MAP3K7CL: variants seen among roughly 807,000 people sequenced by gnomAD.
The protein encoded by MAP3K7CL is MAP3K7 C-terminal-like protein.
In MAP3K7CL, 16 loss-of-function variants were observed where a neutral mutation model predicts 18.6. That is an observed-to-expected ratio of 0.86 (90% confidence interval 0.58 to 1.31). The LOEUF is 1.31. MAP3K7CL is among the 50% of genes most tolerant of loss of function. The pLI is 0.00. For missense variants in MAP3K7CL, 163 were observed against 174.4 expected, an observed-to-expected ratio of 0.93 and a Z score of 0.37; for synonymous variants, 65 against 66.8, an observed-to-expected ratio of 0.97 and a Z score of 0.13.
intron 3 of MAP3K7CL, among the ~76,000 whole-genome samples, chr21:29,155,864 G>C (rs988369593): frequency 6.6e-6 from 1 of 152,182 alleles, no homozygotes; most frequent in Non-Finnish European, 1.5e-5. Context: ...TTGGCTTGAG[G>C]CGCTGTTAGG....
At chr21:29,150,036 T>C (rs1009525470) in intron 3 of MAP3K7CL, among the ~76,000 whole-genome samples, 2 of 152,214 alleles carry the variant, frequency 1.3e-5, no homozygotes, top group African/African-American at 4.8e-5. Context: ...TCACCACTTT[T>C]TTCTCCTAAA....
rs140644118 is a variant in MAP3K7CL at position 29,085,900 on chromosome 21, G to A, written c.40G>A (p.Glu14Lys). 179 of 1,614,102 alleles carry A rather than the reference G, an allele frequency of 1.1e-4. 1 individual carries two copies. The South Asian group carries it at 1.6e-3, about 15-fold the overall frequency. ...TGCACCTTTAGAAGTTATGTGGAAC[G>A]AGGCAGCAGATCTTAAGGTATGTCC... The change falls in exon 1 of 7, where the codon GAG (glutamate) becomes AAG (lysine). Residue 14 changes from glutamate to lysine, a missense_variant. Transcript: ENST00000286791.
In MAP3K7CL at chr21:29,095,607, C is replaced by A. The variant is rs1428102940; in HGVS notation, c.370+3026C>A. 2.0e-5 allele frequency among the ~76,000 whole-genome samples: 3 copies of A among 152,238 alleles called. 1 individual carries two copies. The highest frequency in any genetic ancestry group is 7.2e-5 in the African/African-American group (3 of 41,454). ...TTAAGTATTTTCCTTCACCTGTGGT[C>A]TCCCAACTTATGTGCTGTGAATACA... On this transcript the variant is annotated intron_variant, in intron 4 of 6. Transcript: ENST00000286791.
At chr21:29,154,994 T>C (rs1379273630) in intron 3 of MAP3K7CL, among the ~76,000 whole-genome samples, 4 of 152,242 alleles carry the variant, frequency 2.6e-5, no homozygotes, top group African/African-American at 9.6e-5. Context: ...TCAACAGAAA[T>C]GACTTAAATA....
chr21:29,143,902 A>G (rs1009161159), intron 2 of MAP3K7CL, among the ~76,000 whole-genome samples: 2 of 152,164 alleles, frequency 1.3e-5, no homozygotes, highest in Non-Finnish European at 2.9e-5. Flanking sequence ...CCCCTCTGAT[A>G]TAAAGAAAGA....
chr21:29,161,787 G>A (rs1490093631), intron 4 of MAP3K7CL, among the ~76,000 whole-genome samples: 1 of 152,084 alleles, frequency 6.6e-6, no homozygotes, highest in Admixed American at 6.5e-5. Flanking sequence ...CAATTTTTTT[G>A]AGACTCCCAG....
intron 4 of MAP3K7CL, among the ~76,000 whole-genome samples, chr21:29,112,826 T>C (rs2086442280): frequency 6.6e-6 from 1 of 152,082 alleles, no homozygotes; most frequent in Non-Finnish European, 1.5e-5. Context: ...AAATTTTTTT[T>C]TTTTCTTTTT....
intron 4 of MAP3K7CL, among the ~76,000 whole-genome samples, chr21:29,101,684 A>T (rs113642096): frequency 0.051 from 7,776 of 152,268 alleles, 461 homozygotes; most frequent in East Asian, 0.17. Context: ...CTGGGATTAC[A>T]GGCTTCAGGC....
chr21:29,096,752 G>C (rs1185486758), intron 4 of MAP3K7CL, among the ~76,000 whole-genome samples: 1 of 152,198 alleles, frequency 6.6e-6, no homozygotes, highest in East Asian at 1.9e-4. Flanking sequence ...TGGGAAGTCC[G>C]TTGGGTAGAG....
intron 4 of MAP3K7CL, among the ~76,000 whole-genome samples, chr21:29,096,737 T>A (rs906091124): frequency 9.2e-5 from 14 of 152,216 alleles, no homozygotes; most frequent in African/African-American, 3.4e-4. Flanking sequence ...GTTGGTTTAC[T>A]GAACTGGGAA....
At chr21:29,142,290 C>G (rs2087026966) in intron 2 of MAP3K7CL, among the ~76,000 whole-genome samples, 1 of 152,172 alleles carries the variant, frequency 6.6e-6, no homozygotes, top group South Asian at 2.1e-4. Context: ...TTGTCTCAAA[C>G]TCTTGAACTG....
At chr21:29,135,070 C>CA (rs1267352848) in intron 2 of MAP3K7CL, among the ~76,000 whole-genome samples, 2 of 141,044 alleles carry the variant, frequency 1.4e-5, no homozygotes. Context: ...ACAAAAAAAA[C>CA]AAAAAACAAA....
At chr21:29,131,211 A>T (rs1326697441) in intron 1 of MAP3K7CL, 1 of 152,162 alleles carries the variant, frequency 6.6e-6, no homozygotes, top group Non-Finnish European at 1.5e-5. Flanking sequence ...GTAGCTGGAA[A>T]CCATACCAGA....
intron 1 of MAP3K7CL, among the ~76,000 whole-genome samples, chr21:29,078,004 G>GT (rs956094886): frequency 1.9e-4 from 29 of 152,010 alleles, no homozygotes; most frequent in Non-Finnish European, 2.2e-4. Context: ...CTTTGTTTCT[G>GT]TTTTTTTCAT....
intron 4 of MAP3K7CL, among the ~76,000 whole-genome samples, chr21:29,118,273 C>A (rs911447121): frequency 6.9e-6 from 1 of 145,022 alleles, no homozygotes; most frequent in Non-Finnish European, 1.5e-5. Flanking sequence ...TCAGTAGAGA[C>A]AGCGTTTCAC....
upstream of MAP3K7CL, among the ~76,000 whole-genome samples, chr21:29,077,187 G>C (rs1601103644): frequency 6.6e-6 from 1 of 152,246 alleles, no homozygotes; most frequent in East Asian, 1.9e-4. Context: ...GTCCGCCGCC[G>C]TGAGCCCACA....
At chr21:29,114,470 A>C (rs952544139) in intron 4 of MAP3K7CL, among the ~76,000 whole-genome samples, 1 of 152,062 alleles carries the variant, frequency 6.6e-6, no homozygotes, top group African/African-American at 2.4e-5. Context: ...GGCTCACTGC[A>C]ACCTCGACCT....
chr21:29,079,650 G>A (rs1434333830), intron 1 of MAP3K7CL, among the ~76,000 whole-genome samples: 2 of 152,190 alleles, frequency 1.3e-5, no homozygotes, highest in Admixed American at 6.5e-5. Context: ...AATGGCAAAC[G>A]AGGGCCAGGG....
chr21:29,130,732 C>T lies in MAP3K7CL; in HGVS notation c.-231C>T, dbSNP rs369599104. 4.1e-5 allele frequency: 40 copies of T among 985,534 alleles called. No homozygotes were observed. The East Asian group carries it at 2.4e-3, about 59-fold the overall frequency. The allele number at this position is 985,534 out of a possible 1,614,324, so 61.0% of individuals were successfully genotyped here. ...GGAAGGGAAGGGAGGTCCCGTGGGACGCTGGGGTCTGGGGCAGAGCAGGTA... is the reference window on the plus strand; with the variant it reads ...GGAAGGGAAGGGAGGTCCCGTGGGATGCTGGGGTCTGGGGCAGAGCAGGTA... On this transcript the variant is annotated 5_prime_UTR_variant, in exon 1 of 5. In the 5' UTR this introduces an upstream ATG that the reference lacks. Coordinates refer to ENST00000399928, the MANE Select transcript of MAP3K7CL (RefSeq NM_001286620.2).
Sources: allele counts gnomAD v4.1 joint callset (sites outside exome capture counted in the v4.1 genomes callset), GRCh38; gene constraint gnomAD v4.1.1; transcripts MANE v1.5; gene names NCBI Gene and HGNC (gene_info 2026-07-23, HGNC 2026-07-21).